The following KCTD20 variants were observed in gnomAD, a reference collection of about 807,000 sequenced individuals.
KCTD20 encodes potassium channel tetramerization domain containing 20.
KCTD20 carries 30 observed loss-of-function variants against 39.6 expected under a neutral mutation model. That is an observed-to-expected ratio of 0.76 (90% CI 0.57 to 1.03). KCTD20 has a LOEUF of 1.03. Among genes scored for constraint, KCTD20 ranks in the 50% least tolerant of loss-of-function variants. The probability of loss-of-function intolerance (pLI) is 0.00; values close to 1 mark genes in which losing one functional copy is unlikely to be tolerated. For missense variants in KCTD20, 422 were observed against 522.0 expected (o/e 0.81, Z 1.87); for synonymous variants, 162 against 180.6 (o/e 0.90, Z 0.83).
chr6:36,479,341 T>C, intron 4 of KCTD20, 118 bp downstream of exon 4: 5 of 782,050 alleles, frequency 6.4e-6, no homozygotes, highest in East Asian at 2.7e-5. Flanking sequence ...AGTTGTTTCC[T>C]TTCTCCCTTT....
chr6:36,483,614 A>C (rs1437100789), intron 6 of KCTD20, among the ~76,000 whole-genome samples: 1 of 152,070 alleles, frequency 6.6e-6, no homozygotes, highest in Non-Finnish European at 1.5e-5. Flanking sequence ...TCCTAGTCTT[A>C]AGTGATTCTC....
At chr6:36,448,015 G>GTGTATGTGTATATATATATATA (rs559687288) in intron 1 of KCTD20, among the ~76,000 whole-genome samples, 1 of 128,952 alleles carries the variant, frequency 7.8e-6, no homozygotes, top group African/African-American at 3.4e-5. Flanking sequence ...ATGTGTGTGT[G>GTGTATGTGTATATATATATATA]TATATATATA....
chr6:36,463,499 A>AGTTT (rs1194915234), intron 1 of KCTD20, among the ~76,000 whole-genome samples: 1 of 152,256 alleles, frequency 6.6e-6, no homozygotes, highest in South Asian at 2.1e-4. Flanking sequence ...CATTAAAGAT[A>AGTTT]AACTAACAAA....
At chr6:36,466,657 C>T (rs1775763321) in intron 1 of KCTD20, among the ~76,000 whole-genome samples, 1 of 152,062 alleles carries the variant, frequency 6.6e-6, no homozygotes, top group African/African-American at 2.4e-5. Context: ...TCTGAGACTA[C>T]AGGTGTGAGC....
chr6:36,464,928 C>T (rs16888603), intron 1 of KCTD20, among the ~76,000 whole-genome samples: 3,144 of 152,214 alleles, frequency 0.021, 94 homozygotes, highest in African/African-American at 0.065. Context: ...TCATTTTCAC[C>T]TCCCACCTCC....
At chr6:36,471,439 A>G (rs1290248828) in intron 2 of KCTD20, among the ~76,000 whole-genome samples, 1 of 152,186 alleles carries the variant, frequency 6.6e-6, no homozygotes, top group Non-Finnish European at 1.5e-5. Context: ...CTGCTACAGT[A>G]GTGGCAGAGA....
chr6:36,465,812 C>T (rs1775736538), intron 1 of KCTD20: 1 of 152,098 alleles, frequency 6.6e-6, no homozygotes, highest in South Asian at 2.1e-4. Flanking sequence ...AAAATGCTTT[C>T]ACAGAATGTA....
At chr6:36,474,689 G>C in intron 2 of KCTD20, 100 bp from the exon 3 acceptor site, 1 of 1,129,652 alleles carries the variant, frequency 8.9e-7, no homozygotes, top group South Asian at 1.9e-5. Context: ...AAAATTTGGG[G>C]GTTTTTTGTT....
Position 36,490,868 on chromosome 6 carries a change from T to G in KCTD20, c.*3693T>G, listed in dbSNP as rs1776567147. ...AAGTCAAGGGTTTGTAGTAATGTAT[T>G]CAGTGCCACTTCTTGCCATCACTTT... On this transcript the variant is annotated 3_prime_UTR_variant, in exon 8 of 8. Transcript: ENST00000373731. 1 of 152,130 alleles carries G rather than the reference T, an allele frequency of 6.6e-6. No homozygotes were observed. The highest frequency in any genetic ancestry group is 6.6e-5 in the Admixed American group (1 of 15,266). The allele number at this position is 152,130 out of a possible 1,614,324, so 9.4% of individuals were successfully genotyped here. A position where few individuals can be genotyped will look rare whatever the true frequency, so the allele number is the denominator to read the frequency against.
chr6:36,468,054 A>G (rs1775812565), intron 1 of KCTD20, among the ~76,000 whole-genome samples: 1 of 152,218 alleles, frequency 6.6e-6, no homozygotes, highest in Admixed American at 6.5e-5. Flanking sequence ...TGGGATTAGG[A>G]ATGATGATCA....
chr6:36,481,670 G>A lies in KCTD20; in HGVS notation c.767G>A (p.Arg256Gln), dbSNP rs374948942. 3.1e-6 allele frequency: 5 copies of A among 1,614,102 alleles called. No homozygotes were observed. Among genetic ancestry groups the A allele is most frequent in the Non-Finnish European group, 4.2e-6 (5 of 1,180,042 alleles). Residue 256 changes from arginine to glutamine, a missense_variant, in exon 6 of 8, where the codon CGA becomes CAA. Physicochemically the swap from Arg to Gln is conservative, Grantham distance 43. Coordinates refer to ENST00000373731, the MANE Select transcript of KCTD20 (RefSeq NM_173562.5). ...IMVGCAKKGE[R>Q]ECHIVVLTDE... ...GTGGGCTGTGCCAAGAAAGGAGAAC[G>A]AGAGTGCCACATTGTTGTGCTGACG...
intron 1 of KCTD20, among the ~76,000 whole-genome samples, chr6:36,465,183 T>C (rs147969395): frequency 1.7e-3 from 251 of 151,812 alleles, no homozygotes; most frequent in African/African-American, 6.0e-3. Flanking sequence ...GTAATCCCAG[T>C]TACTCAGGAG....
chr6:36,454,499 AC>A (rs1289325478), intron 1 of KCTD20, among the ~76,000 whole-genome samples: 1 of 151,434 alleles, frequency 6.6e-6, no homozygotes, highest in Non-Finnish European at 1.5e-5. Flanking sequence ...ATGCCACCAC[AC>A]CCGGCTAATT....
At chr6:36,479,565 A>G (rs760806117) in intron 4 of KCTD20, 26 bp from the exon 5 acceptor site, 10 of 1,591,962 alleles carry the variant, frequency 6.3e-6, no homozygotes, top group East Asian at 4.5e-5. Flanking sequence ...CTCTGCCTAC[A>G]TTTTTTCTTC....
intron 1 of KCTD20, among the ~76,000 whole-genome samples, chr6:36,444,678 C>G (rs769316950): frequency 1.1e-4 from 16 of 152,194 alleles, no homozygotes; most frequent in Non-Finnish European, 1.8e-4. Context: ...ATTTAGTCAT[C>G]AAATACCTGC....
intron 6 of KCTD20, among the ~76,000 whole-genome samples, chr6:36,484,000 C>T (rs56086408): frequency 0.24 from 35,331 of 148,294 alleles, 4,403 homozygotes; most frequent in East Asian, 0.39. Context: ...AGTGCAATGG[C>T]GTGATCTTGG....
At chr6:36,453,940 A>G (rs1472104295) in intron 1 of KCTD20, among the ~76,000 whole-genome samples, 2 of 152,164 alleles carry the variant, frequency 1.3e-5, no homozygotes, top group African/African-American at 2.4e-5. Context: ...TTTTTGGTCC[A>G]AGGTTATTCA....
At chr6:36,444,901 G>C (rs1244927926) in intron 1 of KCTD20, among the ~76,000 whole-genome samples, 1 of 152,140 alleles carries the variant, frequency 6.6e-6, no homozygotes, top group Admixed American at 6.6e-5. Flanking sequence ...CAATAATCTC[G>C]TTTTCCTTAA....
At chr6:36,444,224 C>G (rs1045916410) in intron 1 of KCTD20, among the ~76,000 whole-genome samples, 1 of 152,070 alleles carries the variant, frequency 6.6e-6, no homozygotes, top group Non-Finnish European at 1.5e-5. Flanking sequence ...ATCCAGGGAC[C>G]GACCACACGT....
Sources: gnomAD v4.1 joint callset for allele counts (sites outside exome capture counted in the v4.1 genomes callset) on GRCh38, gnomAD v4.1.1 for gene constraint, MANE v1.5 for transcripts, NCBI Gene and HGNC (gene_info 2026-07-23, HGNC 2026-07-21) for gene names.